Variants in CCDC60 observed in about 807,000 individuals in gnomAD.
The protein encoded by CCDC60 is coiled-coil domain containing 60.
A neutral mutation model predicts 63.5 loss-of-function variants in CCDC60; 54 were observed. The ratio of observed to expected loss-of-function variants is 0.85; its 90% CI spans 0.68 to 1.07. The LOEUF (loss-of-function observed/expected upper bound fraction) is 1.07, where lower values mean the gene tolerates loss of function less well. Ranked by LOEUF, CCDC60 falls within the 50% of genes least tolerant of loss-of-function variation. The pLI, the probability that CCDC60 is intolerant of heterozygous loss-of-function variation, is 0.00. For synonymous variants in CCDC60, 206 were observed against 238.8 expected, an observed-to-expected ratio of 0.86 and a Z score of 1.27; for missense variants, 651 against 684.3, an observed-to-expected ratio of 0.95 and a Z score of 0.54.
Position 119,471,980 on chromosome 12 carries a change from C to G in CCDC60, c.171-14C>G. 6.2e-7 allele frequency: 1 copy of G among 1,610,892 alleles called. No homozygotes were observed. The highest frequency in any genetic ancestry group is 1.3e-5 in the African/African-American group (1 of 74,828). On this transcript the variant is annotated splice_polypyrimidine_tract_variant and intron_variant, in intron 2 of 13. Transcript: ENST00000327554. ...TTCCTCCCTCTCTCCCTCTTCCTCC[C>G]TGCATGTCTCCAGCTTTTTGATCCA...
intron 1 of CCDC60, among the ~76,000 whole-genome samples, chr12:119,346,816 CTTTCTTTCTTTCTTTCTTT>C (rs1955600503): frequency 7.9e-6 from 1 of 126,516 alleles, no homozygotes; most frequent in African/African-American, 2.8e-5. Flanking sequence ...TTCTTTCTTT[CTTTCTTTCTTTCTTTCTTT>C]TTTTTTTGAG....
chr12:119,356,724 G>A (rs558555622), intron 1 of CCDC60, among the ~76,000 whole-genome samples: 1 of 152,216 alleles, frequency 6.6e-6, no homozygotes, highest in South Asian at 2.1e-4. Flanking sequence ...TATATCAGAT[G>A]TTTCACTTCA....
chr12:119,494,950 C>T (rs1389800153), intron 5 of CCDC60, among the ~76,000 whole-genome samples: 1 of 152,222 alleles, frequency 6.6e-6, no homozygotes, highest in Admixed American at 6.5e-5. Flanking sequence ...CATTGCACTC[C>T]AGCCTGGGCA....
intron 2 of CCDC60, among the ~76,000 whole-genome samples, chr12:119,463,383 C>G (rs931509189): frequency 6.6e-6 from 1 of 152,226 alleles, no homozygotes; most frequent in African/African-American, 2.4e-5. Flanking sequence ...ATCTACCAAC[C>G]AGCGCAGTGC....
At chr12:119,501,576 C>T (rs1461418856) in intron 6 of CCDC60, among the ~76,000 whole-genome samples, 2 of 152,178 alleles carry the variant, frequency 1.3e-5, no homozygotes, top group African/African-American at 2.4e-5. Flanking sequence ...TGAAGAATTT[C>T]ACCATTTTCT....
At chr12:119,461,918 G>A (rs188355539) in intron 2 of CCDC60, among the ~76,000 whole-genome samples, 76 of 152,290 alleles carry the variant, frequency 5.0e-4, no homozygotes, top group Middle Eastern at 3.4e-3. Flanking sequence ...ATGGGCCTCC[G>A]CGGTATCAAG....
intron 1 of CCDC60, among the ~76,000 whole-genome samples, chr12:119,338,308 C>T (rs78863753): frequency 0.08 from 12,153 of 152,214 alleles, 632 homozygotes; most frequent in Middle Eastern, 0.18. Flanking sequence ...TGAATAATAA[C>T]TGCAGTCATG....
intron 1 of CCDC60, among the ~76,000 whole-genome samples, chr12:119,345,122 G>A (rs1451778919): frequency 6.6e-6 from 1 of 152,084 alleles, no homozygotes; most frequent in Non-Finnish European, 1.5e-5. Flanking sequence ...CACATCAGAC[G>A]TACAATTAAG....
chr12:119,515,967 C>T (rs1013922504), intron 7 of CCDC60, among the ~76,000 whole-genome samples: 22 of 152,112 alleles, frequency 1.4e-4, no homozygotes, highest in Non-Finnish European at 5.9e-5. Context: ...GCTTTGGAAA[C>T]AGTTCTCTCT....
intron 5 of CCDC60, among the ~76,000 whole-genome samples, chr12:119,491,627 C>T (rs1168269376): frequency 6.6e-6 from 1 of 152,146 alleles, no homozygotes; most frequent in East Asian, 1.9e-4. Context: ...TGTGCCCGGC[C>T]CCTTACACAT....
At chr12:119,454,603 T>C (rs1030631876) in intron 2 of CCDC60, among the ~76,000 whole-genome samples, 2 of 152,224 alleles carry the variant, frequency 1.3e-5, no homozygotes, top group Non-Finnish European at 2.9e-5. Context: ...TATCCTTTTC[T>C]GGTCCATGGC....
At chr12:119,438,155 G>T (rs1950364025) in intron 2 of CCDC60, among the ~76,000 whole-genome samples, 1 of 152,110 alleles carries the variant, frequency 6.6e-6, no homozygotes, top group African/African-American at 2.4e-5. Flanking sequence ...TTTGACACCT[G>T]TAGTTAACCA....
At chr12:119,413,977 C>T (rs1200390980) in intron 1 of CCDC60, among the ~76,000 whole-genome samples, 1 of 152,110 alleles carries the variant, frequency 6.6e-6, no homozygotes, top group Non-Finnish European at 1.5e-5. Flanking sequence ...CCCTCCCTCA[C>T]CTCTTCTCCC....
intron 1 of CCDC60, among the ~76,000 whole-genome samples, chr12:119,379,953 G>A (rs1955991511): frequency 2.6e-5 from 4 of 152,204 alleles, no homozygotes; most frequent in Admixed American, 6.5e-5. Flanking sequence ...ACAATTGAAG[G>A]TCAAGCCCAA....
chr12:119,392,756 T>C (rs10849651), intron 1 of CCDC60, among the ~76,000 whole-genome samples: 22,805 of 152,170 alleles, frequency 0.15, 2,026 homozygotes, highest in South Asian at 0.35. Flanking sequence ...AACCACATGT[T>C]TGTACAAAAC....
chr12:119,521,148 G>A (rs78641106), intron 9 of CCDC60, among the ~76,000 whole-genome samples: 1,817 of 152,244 alleles, frequency 0.012, 26 homozygotes, highest in African/African-American at 0.042. Context: ...TTCACAATGC[G>A]TTATATAACA....
At chr12:119,362,962 G>A (rs2136167615) in intron 1 of CCDC60, among the ~76,000 whole-genome samples, 1 of 152,330 alleles carries the variant, frequency 6.6e-6, no homozygotes, top group Admixed American at 6.5e-5. Flanking sequence ...AGCGGGTGTG[G>A]TGGCACATGC....
intron 1 of CCDC60, among the ~76,000 whole-genome samples, chr12:119,396,869 C>T (rs561901121): frequency 1.1e-4 from 17 of 152,306 alleles, no homozygotes; most frequent in African/African-American, 3.4e-4. Flanking sequence ...TTCTTGGTCT[C>T]GCTGACTTCA....
At chr12:119,395,293 C>G (rs1956232321) in intron 1 of CCDC60, among the ~76,000 whole-genome samples, 1 of 152,196 alleles carries the variant, frequency 6.6e-6, no homozygotes, top group South Asian at 2.1e-4. Flanking sequence ...TAAAGAAATA[C>G]CTGAGACTGG....
Sources: allele counts gnomAD v4.1 joint callset (sites outside exome capture counted in the v4.1 genomes callset), GRCh38; gene constraint gnomAD v4.1.1; transcripts MANE v1.5; gene names NCBI Gene and HGNC (gene_info 2026-07-23, HGNC 2026-07-21).